The following STK3 variants were observed in gnomAD, a reference collection of about 807,000 sequenced individuals.
The protein encoded by STK3 is serine/threonine kinase 3, also known as serine/threonine-protein kinase 3.
A neutral mutation model predicts 58.0 loss-of-function variants in STK3; 41 were observed. The ratio of observed to expected loss-of-function variants is 0.71; its 90% CI spans 0.55 to 0.92. The LOEUF (loss-of-function observed/expected upper bound fraction) is 0.92. STK3 is among the 40% of genes least tolerant of loss of function. The probability of loss-of-function intolerance (pLI) is 0.00; values close to 1 mark genes in which losing one functional copy is unlikely to be tolerated. For synonymous variants in STK3, 170 were observed against 191.0 expected (o/e 0.89, Z 0.91); for missense variants, 479 against 602.7 (o/e 0.79, Z 2.15).
intron 6 of STK3, among the ~76,000 whole-genome samples, chr8:98,688,206 T>C (rs1033539346): frequency 6.6e-5 from 10 of 152,192 alleles, no homozygotes; most frequent in African/African-American, 2.4e-5. Flanking sequence ...GGTTCAGTTA[T>C]ACAAGAAGAC....
At chr8:98,828,683 T>C (rs1395545173), upstream of STK3, among the ~76,000 whole-genome samples, 1 of 152,084 alleles carries the variant, frequency 6.6e-6, no homozygotes, top group Admixed American at 6.5e-5. Flanking sequence ...TGAATTGTTT[T>C]ACCAACAGCA....
At chr8:98,477,095 C>T (rs900085846) in intron 10 of STK3, among the ~76,000 whole-genome samples, 1 of 152,162 alleles carries the variant, frequency 6.6e-6, no homozygotes, top group South Asian at 2.1e-4. Context: ...TACAAACAAA[C>T]CTTGTTAAGC....
At chr8:98,857,258 CA>C (rs1255761776) in intron 3 of STK3, among the ~76,000 whole-genome samples, 2 of 152,098 alleles carry the variant, frequency 1.3e-5, no homozygotes, top group Non-Finnish European at 2.9e-5. Context: ...AAACAATAAC[CA>C]AATCCACCCA....
At chr8:98,839,051 G>A (rs961146992) in intron 3 of STK3, among the ~76,000 whole-genome samples, 6 of 82,216 alleles carry the variant, frequency 7.3e-5, no homozygotes, top group African/African-American at 9.8e-5. Context: ...TTGATTTTTG[G>A]GGGGGGGCGG....
At chr8:98,814,943 G>A (rs1176898585) in intron 1 of STK3, among the ~76,000 whole-genome samples, 1 of 152,200 alleles carries the variant, frequency 6.6e-6, no homozygotes, top group Non-Finnish European at 1.5e-5. Flanking sequence ...CGGCCTCCCA[G>A]GTGCTGGGAT....
rs1019239082 is a variant in STK3 at position 98,557,702 on chromosome 8, C to G, written c.949-9541G>C. On this transcript the variant is annotated intron_variant, in intron 8 of 10. Transcript: ENST00000419617. ...ATAAAAAGAATTAATTGTCTTCTCA[C>G]TGCTGTAAGTAGGTGGTCTTTCCCT... 5.3e-5 allele frequency among the ~76,000 whole-genome samples: 8 copies of G among 152,226 alleles called. No individual in the cohort carries two copies. The East Asian group carries it at 1.5e-3, about 29-fold the overall frequency.
intron 6 of STK3, among the ~76,000 whole-genome samples, chr8:98,672,642 T>C (rs1163091890): frequency 6.6e-6 from 1 of 152,236 alleles, no homozygotes; most frequent in Non-Finnish European, 1.5e-5. Context: ...AAACAATTAT[T>C]TCCCAAAGGT....
At chr8:98,811,527 A>T (rs1834213124) in intron 1 of STK3, among the ~76,000 whole-genome samples, 1 of 131,224 alleles carries the variant, frequency 7.6e-6, no homozygotes. Context: ...TAAGTGTTCC[A>T]TTTAAGAAAA....
At chr8:98,599,193 A>C (rs1054391376) in intron 6 of STK3, among the ~76,000 whole-genome samples, 2 of 152,262 alleles carry the variant, frequency 1.3e-5, no homozygotes, top group Non-Finnish European at 2.9e-5. Flanking sequence ...AAGGATGAGA[A>C]AACACTATAA....
chr8:98,605,955 C>T (rs113139555), intron 6 of STK3, among the ~76,000 whole-genome samples: 2,655 of 152,216 alleles, frequency 0.017, 71 homozygotes, highest in African/African-American at 0.061. Flanking sequence ...TGGCCGGGTG[C>T]GGTAGCTCAT....
At chr8:98,546,207 C>G (rs533419069) in intron 9 of STK3, among the ~76,000 whole-genome samples, 20 of 152,186 alleles carry the variant, frequency 1.3e-4, no homozygotes, top group African/African-American at 4.6e-4. Context: ...TCAGTTATAA[C>G]AAAATTATAA....
intron 10 of STK3, among the ~76,000 whole-genome samples, chr8:98,499,181 C>T (rs771742396): frequency 4.6e-5 from 7 of 152,136 alleles, no homozygotes; most frequent in Non-Finnish European, 7.4e-5. Context: ...GAATACAGAT[C>T]TAGATACTAA....
At chr8:98,621,528 G>T (rs932879070) in intron 6 of STK3, among the ~76,000 whole-genome samples, 4 of 152,174 alleles carry the variant, frequency 2.6e-5, no homozygotes, top group African/African-American at 9.7e-5. Context: ...GATGTTAGCT[G>T]AAAGGTTTTT....
chr8:98,426,016 G>A (rs1411364106), intron 3 of STK3, among the ~76,000 whole-genome samples: 1 of 152,100 alleles, frequency 6.6e-6, no homozygotes, highest in Non-Finnish European at 1.5e-5. Flanking sequence ...CAGCCCAGTA[G>A]GCAGGGCCTT....
intron 3 of STK3, among the ~76,000 whole-genome samples, chr8:98,760,811 C>G (rs566371979): frequency 6.6e-6 from 1 of 152,086 alleles, no homozygotes; most frequent in South Asian, 2.1e-4. Context: ...GCTCCCTACA[C>G]TCTTTATCCT....
intron 6 of STK3, among the ~76,000 whole-genome samples, chr8:98,659,616 G>A (rs1235845259): frequency 6.6e-6 from 1 of 151,744 alleles, no homozygotes; most frequent in Non-Finnish European, 1.5e-5. Context: ...CCGATGCAGT[G>A]TAGAGTTTGC....
At chr8:98,897,838 T>G (rs1360052141) in intron 1 of STK3, among the ~76,000 whole-genome samples, 2 of 152,164 alleles carry the variant, frequency 1.3e-5, no homozygotes, top group Non-Finnish European at 2.9e-5. Context: ...AATGAATAAA[T>G]GTTGACAACT....
At chr8:98,357,684 G>A in the STK3 span, among the ~76,000 whole-genome samples, 3 of 152,218 alleles carry the variant, frequency 2.0e-5, no homozygotes, top group East Asian at 3.8e-4. Context: ...AATGGAGGGC[G>A]TGTTTCTCTT....
intron 1 of STK3, among the ~76,000 whole-genome samples, chr8:98,382,170 CCCTT>C (rs1324079024): frequency 6.6e-6 from 1 of 152,020 alleles, no homozygotes; most frequent in African/African-American, 2.4e-5. Context: ...GCCACGGTGA[CCCTT>C]CCTGGCTCTG....
Sources: allele counts gnomAD v4.1 joint callset (sites outside exome capture counted in the v4.1 genomes callset), GRCh38; gene constraint gnomAD v4.1.1; transcripts MANE v1.5; gene names NCBI Gene and HGNC (gene_info 2026-07-23, HGNC 2026-07-21).